USP47: variants seen among roughly 807,000 people sequenced by gnomAD.
USP47 encodes the protein ubiquitin carboxyl-terminal hydrolase 47.
A neutral mutation model predicts 165.1 loss-of-function variants in USP47; 35 were observed. That is an observed-to-expected ratio of 0.21 (90% CI 0.16 to 0.28). The LOEUF (loss-of-function observed/expected upper bound fraction) is 0.28, where lower values mean the gene tolerates loss of function less well. Among genes scored for constraint, USP47 ranks in the 10% least tolerant of loss-of-function variants. The pLI is 1.00. For missense variants in USP47, 1,277 were observed against 1,607.4 expected, an observed-to-expected ratio of 0.79 and a Z score of 3.52; for synonymous variants, 531 against 544.5, an observed-to-expected ratio of 0.98 and a Z score of 0.35.
At chr11:11,931,281 C>G (rs1450852599) in intron 14 of USP47, among the ~76,000 whole-genome samples, 1 of 151,988 alleles carries the variant, frequency 6.6e-6, no homozygotes, top group East Asian at 1.9e-4. Flanking sequence ...TGTTTTTATT[C>G]ACATTTTTGT....
chr11:11,889,318 T>A (rs1209601866), intron 3 of USP47, among the ~76,000 whole-genome samples: 1 of 152,032 alleles, frequency 6.6e-6, no homozygotes, highest in African/African-American at 2.4e-5. Context: ...TCTTATGATG[T>A]ATTTTCATAA....
chr11:11,952,974 T>G, intron 25 of USP47, 103 bp downstream of exon 25: 1 of 978,564 alleles, frequency 1.0e-6, no homozygotes, highest in Non-Finnish European at 1.3e-6. Flanking sequence ...CTGTGTTGCG[T>G]AAGAGAAAAC....
chr11:11,923,621 A>G (rs2134625993), intron 11 of USP47, among the ~76,000 whole-genome samples: 1 of 152,278 alleles, frequency 6.6e-6, no homozygotes, highest in African/African-American at 2.4e-5. Flanking sequence ...GTGAATAATA[A>G]ACTCCTAATG....
At chr11:11,891,615 T>A (rs1217172577) in intron 3 of USP47, among the ~76,000 whole-genome samples, 2 of 152,222 alleles carry the variant, frequency 1.3e-5, no homozygotes, top group Non-Finnish European at 2.9e-5. Flanking sequence ...GCATCTTCCT[T>A]ATTAAAATGA....
At chr11:11,898,155 C>A (rs1023540259) in intron 5 of USP47, among the ~76,000 whole-genome samples, 1 of 146,844 alleles carries the variant, frequency 6.8e-6, no homozygotes, top group Non-Finnish European at 1.5e-5. Context: ...GTGTGTGTTT[C>A]CTTCTAAAAG....
At chr11:11,932,469 C>T (rs79070562) in intron 14 of USP47, among the ~76,000 whole-genome samples, 127 of 152,232 alleles carry the variant, frequency 8.3e-4, no homozygotes, top group African/African-American at 2.9e-3. Context: ...GGTTAGGAAG[C>T]AGCTAAAGAC....
chr11:11,947,122 T>C (rs1564893474), intron 20 of USP47, among the ~76,000 whole-genome samples: 1 of 152,230 alleles, frequency 6.6e-6, no homozygotes, highest in Non-Finnish European at 1.5e-5. Flanking sequence ...GTTTCTGCTT[T>C]CTTCTACAAT....
At chr11:11,918,573 G>C (rs1387256238) in intron 8 of USP47, among the ~76,000 whole-genome samples, 1 of 152,048 alleles carries the variant, frequency 6.6e-6, no homozygotes, top group African/African-American at 2.4e-5. Context: ...CTAAAACAAA[G>C]ATACATAATA....
chr11:11,890,597 T>C (rs1187336094), intron 3 of USP47, among the ~76,000 whole-genome samples: 1 of 152,080 alleles, frequency 6.6e-6, no homozygotes, highest in East Asian at 1.9e-4. Context: ...TGGAAAATAA[T>C]GTGGTCATTC....
intron 17 of USP47, 120 bp from the exon 18 acceptor site, chr11:11,938,137 C>T (rs1855208566): frequency 1.4e-6 from 1 of 731,576 alleles, no homozygotes; most frequent in Admixed American, 2.7e-5. Context: ...GTGTTGTTTT[C>T]ATCTGTACTT....
At chr11:11,875,033 T>G (rs867859226) in intron 1 of USP47, among the ~76,000 whole-genome samples, 1 of 95,356 alleles carries the variant, frequency 1.0e-5, no homozygotes, top group Non-Finnish European at 2.3e-5. Flanking sequence ...AATTGACTTA[T>G]TGTGTGTGTG....
At chr11:11,903,364 A>G (rs1441159286) in intron 7 of USP47, 22 bp downstream of exon 7, 13 of 1,597,062 alleles carry the variant, frequency 8.1e-6, no homozygotes, top group Admixed American at 1.7e-5. Context: ...CTCTCAAATC[A>G]AGGGGACTGT....
intron 12 of USP47, 69 bp from the exon 13 acceptor site, chr11:11,929,975 A>T (rs1590402463): frequency 9.8e-6 from 12 of 1,223,990 alleles, no homozygotes; most frequent in Non-Finnish European, 1.4e-5. Context: ...CTAAAGATTG[A>T]GTTACATATT....
chr11:11,894,238 C>T (rs772940079), intron 4 of USP47, among the ~76,000 whole-genome samples: 4 of 152,068 alleles, frequency 2.6e-5, no homozygotes, highest in Admixed American at 6.6e-5. Flanking sequence ...GGGCAGATCA[C>T]CTGAGGTCAG....
chr11:11,957,694 T>C lies in USP47; in HGVS notation c.*1519T>C, dbSNP rs1590480711. 6.6e-6 allele frequency: 1 copy of C among 152,538 alleles called. No homozygotes were observed. Among genetic ancestry groups the C allele is most frequent in the Admixed American group, 6.5e-5 (1 of 15,282 alleles). The allele number at this position is 152,538 out of a possible 1,614,324, so 9.4% of individuals were successfully genotyped here. A position where few individuals can be genotyped will look rare whatever the true frequency, so the allele number is the denominator to read the frequency against. ...GAAAAGCTGTGTTAATATCTAACTT[T>C]GGGGAACCCTGTCAGTATTTCAGAT... On this transcript the variant is annotated 3_prime_UTR_variant, in exon 28 of 28. Coordinates refer to ENST00000527733, the MANE Select transcript of USP47 (RefSeq NM_001282659.2).
chr11:11,876,689 C>G (rs1169054756), intron 1 of USP47, among the ~76,000 whole-genome samples: 1 of 152,198 alleles, frequency 6.6e-6, no homozygotes, highest in Non-Finnish European at 1.5e-5. Context: ...TGGCTGCTTC[C>G]TCTGAATGTG....
rs993791817 is a variant in USP47, at chr11:11,957,181, A to G, written c.*1006A>G. ...GATTTACTTCAAGTTTGAATCTTCT[A>G]GAATGCTTGTAAGTCCAGTTTTAAT... On this transcript the variant is annotated 3_prime_UTR_variant, in exon 28 of 28. Coordinates refer to ENST00000527733, the MANE Select transcript of USP47 (RefSeq NM_001282659.2). 1.3e-5 allele frequency: 2 copies of G among 152,198 alleles called. No homozygotes were observed. The highest frequency in any genetic ancestry group is 2.4e-5 in the African/African-American group (1 of 41,458). 9.4% of individuals were successfully genotyped at this position (152,198 alleles called of 1,614,324 possible).
chr11:11,903,596 A>G (rs1270224024), intron 7 of USP47, among the ~76,000 whole-genome samples: 3 of 152,146 alleles, frequency 2.0e-5, no homozygotes, highest in Non-Finnish European at 4.4e-5. Context: ...GTTCTCTTTT[A>G]GCTCTGAAAA....
intron 20 of USP47, 27 bp downstream of exon 20, chr11:11,943,139 C>G (rs1855595791): frequency 6.4e-7 from 1 of 1,566,380 alleles, no homozygotes; most frequent in Non-Finnish European, 8.6e-7. Context: ...AAAAACGGTC[C>G]TTGAAACAGC....
Sources: allele counts gnomAD v4.1 joint callset (sites outside exome capture counted in the v4.1 genomes callset), GRCh38; gene constraint gnomAD v4.1.1; transcripts MANE v1.5; gene names NCBI Gene and HGNC (gene_info 2026-07-23, HGNC 2026-07-21).